Variants in SSPN observed in about 807,000 individuals in gnomAD.
The protein encoded by SSPN is K-ras oncogene-associated protein.
Under a neutral mutation model 19.1 loss-of-function variants are expected in SSPN, and 15 were observed. The observed-to-expected ratio is 0.78, with a 90% CI of 0.52 to 1.21. The LOEUF is 1.21. SSPN is among the 50% of genes most tolerant of loss of function. The pLI, the probability that SSPN is intolerant of heterozygous loss-of-function variation, is 0.00. For missense variants in SSPN, 291 were observed against 314.0 expected, an observed-to-expected ratio of 0.93 and a Z score of 0.55; for synonymous variants, 147 against 140.3, an observed-to-expected ratio of 1.05 and a Z score of -0.34.
chr12:26,219,399 CA>C (rs1388277079), intron 1 of SSPN, among the ~76,000 whole-genome samples: 1 of 152,052 alleles, frequency 6.6e-6, no homozygotes, highest in Admixed American at 6.6e-5. Context: ...TACAAACCCT[CA>C]AAAGACACCA....
At chr12:26,169,651 G>A (rs1944642812) in intron 1 of SSPN, among the ~76,000 whole-genome samples, 1 of 151,770 alleles carries the variant, frequency 6.6e-6, no homozygotes, top group Admixed American at 6.6e-5. Flanking sequence ...CAGGCTATGG[G>A]GGTGGCTAAT....
chr12:26,189,278 C>G (rs183760145), intron 1 of SSPN, among the ~76,000 whole-genome samples: 2 of 152,172 alleles, frequency 1.3e-5, no homozygotes, highest in Admixed American at 1.3e-4. Context: ...CAAGATATAG[C>G]AGTAAAATAC....
chr12:26,147,278 G>T (rs201463500), intron 1 of SSPN, among the ~76,000 whole-genome samples: 11 of 146,918 alleles, frequency 7.5e-5, no homozygotes, highest in South Asian at 4.3e-4. Context: ...TTTTTTTTGT[G>T]TTTTTTTTTT....
intron 1 of SSPN, among the ~76,000 whole-genome samples, chr12:26,205,769 C>T (rs73295005): frequency 0.082 from 12,541 of 152,194 alleles, 981 homozygotes; most frequent in African/African-American, 0.21. Context: ...TCTTCATGAC[C>T]GCATACAGAA....
intron 1 of SSPN, among the ~76,000 whole-genome samples, chr12:26,174,415 T>G (rs1378389497): frequency 6.6e-6 from 1 of 152,004 alleles, no homozygotes; most frequent in Non-Finnish European, 1.5e-5. Context: ...TCCCATCACC[T>G]TCTAAAATTT....
intron 1 of SSPN, among the ~76,000 whole-genome samples, chr12:26,187,328 G>T (rs1944760387): frequency 6.6e-6 from 1 of 152,260 alleles, no homozygotes; most frequent in African/African-American, 2.4e-5. Flanking sequence ...CCCCCAAAAT[G>T]ATGTCCAATA....
At chr12:26,129,161 G>T (rs1222887356) in intron 1 of SSPN, among the ~76,000 whole-genome samples, 1 of 152,148 alleles carries the variant, frequency 6.6e-6, no homozygotes, top group African/African-American at 2.4e-5. Flanking sequence ...CCCAAAATCT[G>T]CTTAGGGGCG....
At chr12:26,224,247 A>C in intron 1 of SSPN, 46 bp from the exon 2 acceptor site, 1 of 1,393,482 alleles carries the variant, frequency 7.2e-7, no homozygotes, top group South Asian at 1.2e-5. Flanking sequence ...ATTTGAACGC[A>C]CAACGTACCC....
At chr12:26,222,108 C>T (rs1336854493) in intron 1 of SSPN, among the ~76,000 whole-genome samples, 1 of 152,176 alleles carries the variant, frequency 6.6e-6, no homozygotes, top group Admixed American at 6.5e-5. Context: ...TCCCTGGGTC[C>T]TATCTGTTTT....
chr12:26,206,009 G>A (rs1038369389), intron 1 of SSPN, among the ~76,000 whole-genome samples: 6 of 152,110 alleles, frequency 3.9e-5, no homozygotes, highest in African/African-American at 1.2e-4. Context: ...ATGCACATAG[G>A]GTGACCGTAA....
At chr12:26,213,833 G>T (rs1040735012) in intron 1 of SSPN, among the ~76,000 whole-genome samples, 2 of 152,114 alleles carry the variant, frequency 1.3e-5, no homozygotes, top group Non-Finnish European at 2.9e-5. Context: ...CTTCTCAACA[G>T]CTGACAGGTT....
intron 1 of SSPN, among the ~76,000 whole-genome samples, chr12:26,129,004 TG>T (rs1404430712): frequency 3.3e-5 from 5 of 152,068 alleles, no homozygotes; most frequent in African/African-American, 1.2e-4. Flanking sequence ...AAACAGAACT[TG>T]CCTGAAAGGA....
At chr12:26,169,808 G>A (rs1944643510) in intron 1 of SSPN, among the ~76,000 whole-genome samples, 1 of 152,112 alleles carries the variant, frequency 6.6e-6, no homozygotes, top group African/African-American at 2.4e-5. Flanking sequence ...AATTCAGCAG[G>A]TAAGGTTTTA....
intron 2 of SSPN, among the ~76,000 whole-genome samples, chr12:26,229,408 A>G (rs1945208310): frequency 6.6e-6 from 1 of 152,204 alleles, no homozygotes; most frequent in South Asian, 2.1e-4. Flanking sequence ...ACCACTCAAG[A>G]AAAAGAAAAA....
chr12:26,160,474 A>G (rs966523676), intron 1 of SSPN, among the ~76,000 whole-genome samples: 3 of 152,210 alleles, frequency 2.0e-5, no homozygotes, highest in African/African-American at 7.2e-5. Context: ...TCACTCTGCT[A>G]TTTTACAGTA....
At position 26,128,994 on chromosome 12, in the gene SSPN, A is replaced by C. The variant is rs937348476; in HGVS notation, c.-31+6842A>C. Among the ~76,000 whole-genome samples the C allele has an allele frequency of 5.3e-5, 8 of 152,318 alleles. No homozygotes were observed. In the East Asian group the frequency reaches 9.6e-4, roughly 18 times the overall value. On this transcript the variant is annotated intron_variant, in intron 1 of 2. Transcript: ENST00000538142. ...TTGCAAAGTCTTGGATTTCCAACAG[A>C]AACAGAACTTGCCTGAAAGGATTAA...
intron 1 of SSPN, among the ~76,000 whole-genome samples, chr12:26,184,828 C>G (rs942955177): frequency 1.3e-5 from 2 of 151,844 alleles, no homozygotes; most frequent in Non-Finnish European, 2.9e-5. Flanking sequence ...TTTTTTACAT[C>G]ATAATGTAAT....
rs563273019 is a variant in SSPN at position 26,136,922 on chromosome 12, C to T, written c.-31+14770C>T. On this transcript the variant is annotated intron_variant, in intron 1 of 2. Transcript: ENST00000538142. The stretch of plus-strand genomic sequence containing the variant: ...GAAATCCTGTTAGTCCATGCTTTGT[C>T]GTAAGTTAAAGCCTTGGTCAGGTCT... Among the ~76,000 whole-genome samples the T allele has an allele frequency of 1.2e-4, 19 of 152,278 alleles. No individual in the cohort carries two copies. The East Asian group carries it at 3.1e-3, about 25-fold the overall frequency.
chr12:26,122,452 A>C, intron 1 of SSPN: 1 of 1,354,598 alleles, frequency 7.4e-7, no homozygotes, highest in African/African-American at 1.5e-5. Flanking sequence ...GCAGAAGGCG[A>C]GAGGAAGCAG....
Sources: allele counts gnomAD v4.1 joint callset (sites outside exome capture counted in the v4.1 genomes callset), GRCh38; gene constraint gnomAD v4.1.1; transcripts MANE v1.5; gene names NCBI Gene and HGNC (gene_info 2026-07-23, HGNC 2026-07-21).